The following TBC1D5 variants were observed in gnomAD, a reference collection of about 807,000 sequenced individuals.
TBC1D5 encodes TBC1 domain family, member 5.
Under a neutral mutation model 100.3 loss-of-function variants are expected in TBC1D5, and 75 were observed. The observed-to-expected ratio is 0.75, with a 90% CI of 0.62 to 0.91. TBC1D5 has a LOEUF of 0.91. Among genes scored for constraint, TBC1D5 ranks in the 40% least tolerant of loss-of-function variants. TBC1D5 has a pLI of 0.00. For missense variants in TBC1D5, 910 were observed against 942.4 expected, an observed-to-expected ratio of 0.97 and a Z score of 0.45; for synonymous variants, 323 against 325.6, an observed-to-expected ratio of 0.99 and a Z score of 0.09.
intron 8 of TBC1D5, among the ~76,000 whole-genome samples, chr3:17,391,895 C>A (rs1185869067): frequency 6.6e-6 from 1 of 152,056 alleles, no homozygotes; most frequent in Non-Finnish European, 1.5e-5. Context: ...AAAGTATTGT[C>A]TGGTTTATTT....
chr3:17,497,518 A>C (rs2095729421), intron 3 of TBC1D5, among the ~76,000 whole-genome samples: 1 of 152,220 alleles, frequency 6.6e-6, no homozygotes, highest in Non-Finnish European at 1.5e-5. Context: ...TTCAGTTATT[A>C]TTACTGAATT....
chr3:17,633,265 C>T (rs948916550), intron 1 of TBC1D5, among the ~76,000 whole-genome samples: 6 of 151,958 alleles, frequency 3.9e-5, no homozygotes, highest in Admixed American at 6.6e-5. Flanking sequence ...GGTGAAGTCT[C>T]GTCTCTACTA....
chr3:17,719,179 T>C (rs1375254867), intron 1 of TBC1D5, among the ~76,000 whole-genome samples: 1 of 152,202 alleles, frequency 6.6e-6, no homozygotes, highest in Non-Finnish European at 1.5e-5. Flanking sequence ...AAAACTACAA[T>C]GTTTCAAATG....
chr3:17,406,624 A>C lies in TBC1D5; in HGVS notation c.168-98T>G, dbSNP rs1394733595. 3 of 1,082,644 alleles carry C rather than the reference A, an allele frequency of 2.8e-6. No individual in the cohort carries two copies. The African/African-American group carries it at 4.8e-5, about 17-fold the overall frequency. The allele number at this position is 1,082,644 out of a possible 1,614,324, so 67.1% of individuals were successfully genotyped here. On this transcript the variant is annotated intron_variant, in intron 4 of 21. Transcript: ENST00000253692. Reference sequence around the variant, plus strand: ...AATTAATTTTAAGTAAGTCTAAAAAATGCAACTTTTAAAACATATATATTT... The same window carrying C: ...AATTAATTTTAAGTAAGTCTAAAAACTGCAACTTTTAAAACATATATATTT...
intron 8 of TBC1D5, among the ~76,000 whole-genome samples, chr3:17,391,417 C>G (rs1406080313): frequency 1.3e-5 from 2 of 152,092 alleles, no homozygotes; most frequent in Non-Finnish European, 2.9e-5. Context: ...AAGCCAGAAT[C>G]TCCCAGCTAT....
At chr3:17,366,752 T>C (rs1559730727) in intron 13 of TBC1D5, among the ~76,000 whole-genome samples, 2 of 152,110 alleles carry the variant, frequency 1.3e-5, no homozygotes, top group East Asian at 1.9e-4. Context: ...ACTTCAAATA[T>C]AGGTTAAAAA....
intron 17 of TBC1D5, among the ~76,000 whole-genome samples, chr3:17,219,194 C>A (rs1256865797): frequency 6.6e-6 from 1 of 151,644 alleles, no homozygotes. Flanking sequence ...TGTTGAGCCC[C>A]TGTAATAACT....
chr3:17,573,938 A>T (rs576210853), intron 2 of TBC1D5, among the ~76,000 whole-genome samples: 2 of 152,098 alleles, frequency 1.3e-5, no homozygotes, highest in Non-Finnish European at 2.9e-5. Context: ...CTGTTGATCC[A>T]GTACCGAGAA....
chr3:17,325,425 C>T (rs1024743697), intron 13 of TBC1D5, among the ~76,000 whole-genome samples: 4 of 149,942 alleles, frequency 2.7e-5, no homozygotes, highest in Non-Finnish European at 4.4e-5. Context: ...TGGGTTGAAG[C>T]GATTCACCTG....
At chr3:17,650,164 G>C (rs533277115) in intron 1 of TBC1D5, among the ~76,000 whole-genome samples, 7 of 152,062 alleles carry the variant, frequency 4.6e-5, no homozygotes, top group Non-Finnish European at 7.4e-5. Context: ...CTGGGGAAGG[G>C]ATAGCATTAG....
chr3:17,737,198 T>C (rs903220714), intron 1 of TBC1D5, among the ~76,000 whole-genome samples: 3 of 152,264 alleles, frequency 2.0e-5, no homozygotes, highest in East Asian at 3.9e-4. Flanking sequence ...CCATGGTGCT[T>C]ATGTCAGAAG....
intron 15 of TBC1D5, among the ~76,000 whole-genome samples, chr3:17,289,506 C>T (rs879850833): frequency 6.6e-6 from 1 of 151,910 alleles, no homozygotes; most frequent in Non-Finnish European, 1.5e-5. Context: ...TGATGGTGGA[C>T]ACCTGTAGTC....
intron 8 of TBC1D5, among the ~76,000 whole-genome samples, chr3:17,387,943 C>T (rs1357689264): frequency 6.6e-6 from 1 of 151,810 alleles, no homozygotes; most frequent in East Asian, 1.9e-4. Context: ...AAAAAAATCA[C>T]ATTAAGTAGG....
intron 19 of TBC1D5, among the ~76,000 whole-genome samples, chr3:17,168,648 A>T (rs912273259): frequency 8.5e-5 from 13 of 152,150 alleles, no homozygotes; most frequent in African/African-American, 3.1e-4. Flanking sequence ...GGGGAAGTAC[A>T]AGAGGATGTG....
At chr3:17,308,251 T>A (rs2083608141) in intron 13 of TBC1D5, 117 bp from the exon 14 acceptor site, 1 of 971,406 alleles carries the variant, frequency 1.0e-6, no homozygotes, top group Non-Finnish European at 1.4e-6. Flanking sequence ...ATATTATATA[T>A]CAAAAATATA....
intron 3 of TBC1D5, among the ~76,000 whole-genome samples, chr3:17,507,339 T>G (rs897070942): frequency 1.3e-5 from 2 of 152,154 alleles, no homozygotes; most frequent in East Asian, 3.8e-4. Flanking sequence ...TGAGTTCTTA[T>G]TTAACAAAAA....
intron 4 of TBC1D5, among the ~76,000 whole-genome samples, chr3:17,413,750 C>T (rs2093996199): frequency 6.6e-6 from 1 of 152,100 alleles, no homozygotes; most frequent in Non-Finnish European, 1.5e-5. Context: ...TAATTTTACA[C>T]TGTATAGGTT....
intron 17 of TBC1D5, 104 bp downstream of exon 18, chr3:17,233,581 G>T: frequency 1.5e-6 from 1 of 654,026 alleles, no homozygotes. Context: ...ATTGAAAACA[G>T]TATGAATGGA....
intron 1 of TBC1D5, among the ~76,000 whole-genome samples, chr3:17,682,795 A>C (rs1234367718): frequency 1.3e-5 from 2 of 151,582 alleles, no homozygotes; most frequent in African/African-American, 4.9e-5. Context: ...TTATGTTGTA[A>C]CATTATTTAC....
Sources: allele counts gnomAD v4.1 joint callset (sites outside exome capture counted in the v4.1 genomes callset), GRCh38; gene constraint gnomAD v4.1.1; transcripts MANE v1.5; gene names NCBI Gene and HGNC (gene_info 2026-07-23, HGNC 2026-07-21).